FUT8: variants seen among roughly 807,000 people sequenced by gnomAD.
The protein encoded by FUT8 is fucosyltransferase 8.
FUT8 carries 29 observed loss-of-function variants against 71.3 expected under a neutral mutation model. That is an observed-to-expected ratio of 0.41 (90% CI 0.30 to 0.55). FUT8 has a LOEUF of 0.55. Among genes scored for constraint, FUT8 ranks in the 20% least tolerant of loss-of-function variants. FUT8 has a pLI of 0.34. For synonymous variants in FUT8, 254 were observed against 239.3 expected, an observed-to-expected ratio of 1.06 and a Z score of -0.57; for missense variants, 544 against 702.1, an observed-to-expected ratio of 0.77 and a Z score of 2.55.
At chr14:65,505,079 T>C (rs1326579738) in intron 2 of FUT8, among the ~76,000 whole-genome samples, 1 of 152,188 alleles carries the variant, frequency 6.6e-6, no homozygotes, top group Admixed American at 6.5e-5. Context: ...TGACATTTTT[T>C]TGGGAGCAGG....
chr14:65,503,156 A>C (rs1240525717), intron 2 of FUT8, among the ~76,000 whole-genome samples: 1 of 152,224 alleles, frequency 6.6e-6, no homozygotes, highest in East Asian at 1.9e-4. Context: ...GAATAGGTTA[A>C]ATTTTCTTCC....
chr14:65,513,965 C>T lies in FUT8; in HGVS notation c.-227-47372C>T, dbSNP rs1208637905. 5.3e-5 allele frequency among the ~76,000 whole-genome samples: 8 copies of T among 152,346 alleles called. No homozygotes were observed. The East Asian group carries it at 1.5e-3, about 29-fold the overall frequency. ...ATAAGTAACATACATCCCATCTTCG[C>T]TTCAGGGCACAATTTTAGCATTAAA... On this transcript the variant is annotated intron_variant, in intron 2 of 10. Coordinates refer to ENST00000673929, the MANE Select transcript of FUT8 (RefSeq NM_001371533.1).
At chr14:65,679,243 A>T (rs1892917360) in intron 7 of FUT8, among the ~76,000 whole-genome samples, 1 of 152,216 alleles carries the variant, frequency 6.6e-6, no homozygotes, top group South Asian at 2.1e-4. Flanking sequence ...TTTAGAATTA[A>T]TAATAGGACA....
chr14:65,623,119 G>T lies in FUT8; in HGVS notation c.483-6373G>T, dbSNP rs1321111949. On this transcript the variant is annotated intron_variant, in intron 5 of 10. Coordinates refer to ENST00000673929, the MANE Select transcript of FUT8 (RefSeq NM_001371533.1). ...GTGCCCAACTCGGTCTTGAACTCCT[G>T]TGCTCAAGTGATCCTTCTGCCTTAG... Among the ~76,000 whole-genome samples the T allele has an allele frequency of 2.6e-5, 4 of 151,978 alleles. No individual in the cohort carries two copies. In the East Asian group the frequency reaches 7.7e-4, roughly 29 times the overall value.
chr14:65,389,183 A>ATAT, the FUT8 span, among the ~76,000 whole-genome samples: 6 of 149,918 alleles, frequency 4.0e-5, no homozygotes, highest in East Asian at 5.9e-4. Context: ...ATATATATAT[A>ATAT]AAAAAATTAT....
In FUT8 at chr14:65,622,407, T is replaced by C. The variant is rs180998311; in HGVS notation, c.482+6034T>C. On this transcript the variant is annotated intron_variant, in intron 5 of 10. Coordinates refer to ENST00000673929, the MANE Select transcript of FUT8 (RefSeq NM_001371533.1). ...GACCTATTAATACATTAGGAAAACT[T>C]AACTCTTAGACCCTGCAGAGCTGGC... Among the ~76,000 whole-genome samples the C allele has an allele frequency of 2.0e-5, 3 of 152,300 alleles. No homozygotes were observed. The East Asian group carries it at 5.8e-4, about 29-fold the overall frequency.
At chr14:65,665,043 A>T (rs1892143158) in intron 6 of FUT8, among the ~76,000 whole-genome samples, 1 of 152,172 alleles carries the variant, frequency 6.6e-6, no homozygotes, top group South Asian at 2.1e-4. Context: ...GTGGCATAAT[A>T]CTTCTCAAGT....
intron 2 of FUT8, among the ~76,000 whole-genome samples, chr14:65,515,212 G>C (rs1397983419): frequency 6.8e-6 from 1 of 146,476 alleles, no homozygotes; most frequent in Non-Finnish European, 1.5e-5. Context: ...AGATCTTTTG[G>C]ACATGAAAAT....
intron 7 of FUT8, among the ~76,000 whole-genome samples, chr14:65,714,782 T>C (rs1165251108): frequency 6.6e-6 from 1 of 152,156 alleles, no homozygotes; most frequent in Non-Finnish European, 1.5e-5. Context: ...TAGTTTTCAT[T>C]GTAGAGATCT....
chr14:65,362,492 A>G, the FUT8 span, among the ~76,000 whole-genome samples: 5 of 151,992 alleles, frequency 3.3e-5, no homozygotes, highest in Non-Finnish European at 7.4e-5. Flanking sequence ...CCTGGGCAAT[A>G]TAGCAAGACC....
intron 1 of FUT8, among the ~76,000 whole-genome samples, chr14:65,420,480 A>G (rs1334858690): frequency 1.3e-5 from 2 of 152,036 alleles, no homozygotes; most frequent in Non-Finnish European, 2.9e-5. Context: ...CCTGAAAGGA[A>G]ATAATGATAA....
chr14:65,468,933 G>C (rs1317143395), intron 2 of FUT8, among the ~76,000 whole-genome samples: 1 of 151,904 alleles, frequency 6.6e-6, no homozygotes, highest in Admixed American at 6.6e-5. Flanking sequence ...AAGTAGCCAG[G>C]ACTACAGGTG....
chr14:65,411,319 C>A (rs1418034210), upstream of FUT8: 3 of 152,164 alleles, frequency 2.0e-5, no homozygotes, highest in Non-Finnish European at 2.9e-5. Flanking sequence ...ATCATAAAAA[C>A]GACTGTAAAG....
At chr14:65,555,000 G>A (rs1459165419) in intron 2 of FUT8, among the ~76,000 whole-genome samples, 1 of 151,980 alleles carries the variant, frequency 6.6e-6, no homozygotes, top group Non-Finnish European at 1.5e-5. Context: ...GCTCTTGTTG[G>A]CATAGCTTTT....
chr14:65,684,598 C>A (rs938486732), intron 7 of FUT8, among the ~76,000 whole-genome samples: 1 of 152,070 alleles, frequency 6.6e-6, no homozygotes, highest in Non-Finnish European at 1.5e-5. Context: ...GCTTTGTGTC[C>A]CCACCCAAAC....
Position 65,507,536 on chromosome 14 carries a change from A to G in FUT8, c.-228+51818A>G, listed in dbSNP as rs137931200. Among the ~76,000 whole-genome samples, 69 of 152,314 alleles carry G rather than the reference A, an allele frequency of 4.5e-4. No homozygotes were observed. The Middle Eastern group carries it at 0.01, about 23-fold the overall frequency. On this transcript the variant is annotated intron_variant, in intron 2 of 10. Transcript: ENST00000673929. The stretch of plus-strand genomic sequence containing the variant: ...TTGTTTTGATTTTTAGATCCCACAA[A>G]TAAGTGAGAACATGAGATGCTTGTC...
At chr14:65,689,632 G>C (rs1038306768) in intron 7 of FUT8, among the ~76,000 whole-genome samples, 1 of 152,016 alleles carries the variant, frequency 6.6e-6, no homozygotes, top group South Asian at 2.1e-4. Context: ...TCTGCCTCCC[G>C]GGTTCAAGCA....
chr14:65,452,274 T>G (rs1267978894), intron 1 of FUT8, among the ~76,000 whole-genome samples: 4 of 152,214 alleles, frequency 2.6e-5, no homozygotes, highest in Admixed American at 1.3e-4. Flanking sequence ...ATACAGTGTT[T>G]CCAGGTAAGA....
chr14:65,590,114 T>C (rs1370676276), intron 3 of FUT8, among the ~76,000 whole-genome samples: 1 of 152,194 alleles, frequency 6.6e-6, no homozygotes, highest in Non-Finnish European at 1.5e-5. Flanking sequence ...CTAGCATTTT[T>C]TTTGTTGAGA....
Sources: gnomAD v4.1 joint callset for allele counts (sites outside exome capture counted in the v4.1 genomes callset) on GRCh38, gnomAD v4.1.1 for gene constraint, MANE v1.5 for transcripts, NCBI Gene and HGNC (gene_info 2026-07-23, HGNC 2026-07-21) for gene names.